Variants in ERICH6 observed in about 807,000 individuals in gnomAD.
The protein encoded by ERICH6 is glutamate-rich protein 6.
A neutral mutation model predicts 71.0 loss-of-function variants in ERICH6; 71 were observed. The observed-to-expected ratio is 1.00, with a 90% CI of 0.83 to 1.22. The LOEUF is 1.22. ERICH6 is among the 50% of genes most tolerant of loss of function. The pLI, the probability that ERICH6 is intolerant of heterozygous loss-of-function variation, is 0.00. For synonymous variants in ERICH6, 262 were observed against 278.4 expected, an observed-to-expected ratio of 0.94 and a Z score of 0.59; for missense variants, 808 against 797.2, an observed-to-expected ratio of 1.01 and a Z score of -0.16.
At chr3:150,677,212 G>C (rs1711694562) in intron 10 of ERICH6, among the ~76,000 whole-genome samples, 1 of 152,120 alleles carries the variant, frequency 6.6e-6, no homozygotes. Flanking sequence ...TGAGTAGCTG[G>C]GATTACAGGT....
intron 3 of ERICH6, among the ~76,000 whole-genome samples, chr3:150,688,453 A>G (rs1712286786): frequency 6.6e-6 from 1 of 152,172 alleles, no homozygotes; most frequent in African/African-American, 2.4e-5. Flanking sequence ...CCTGACATGG[A>G]GAGATGTCCG....
At chr3:150,681,148 C>G (rs1041686582) in intron 7 of ERICH6, among the ~76,000 whole-genome samples, 1 of 152,182 alleles carries the variant, frequency 6.6e-6, no homozygotes, top group Admixed American at 6.5e-5. Flanking sequence ...GTCATCATCA[C>G]AATCAATTTT....
At chr3:150,678,306 T>C (rs1576552389) in intron 10 of ERICH6, 103 bp downstream of exon 10, 1 of 1,099,730 alleles carries the variant, frequency 9.1e-7, no homozygotes, top group Non-Finnish European at 1.3e-6. Context: ...TTTTGACAAC[T>C]AGTTAAATGC....
At chr3:150,670,628 A>C (rs1007562221) in intron 11 of ERICH6, among the ~76,000 whole-genome samples, 1 of 152,218 alleles carries the variant, frequency 6.6e-6, no homozygotes, top group Admixed American at 6.5e-5. Flanking sequence ...TAAGGAATTC[A>C]TAAGATAATG....
In ERICH6 at chr3:150,673,302, C is replaced by T. The variant is rs151282429; in HGVS notation, c.1343+654G>A. 5.3e-3 allele frequency among the ~76,000 whole-genome samples: 804 copies of T among 151,220 alleles called. 12 individuals are homozygous for T. Among genetic ancestry groups the T allele is most frequent in the African/African-American group, 0.019 (771 of 41,178 alleles). On this transcript the variant is annotated intron_variant, in intron 11 of 13. Coordinates refer to ENST00000295910, the MANE Select transcript of ERICH6 (RefSeq NM_152394.5). Reference sequence around the variant, plus strand: ...CCTCGGGCTCAAGCAATCCTTTCACCTCAGCCTCCTGAGTAGCCAGGACTT... The same window carrying T: ...CCTCGGGCTCAAGCAATCCTTTCACTTCAGCCTCCTGAGTAGCCAGGACTT...
chr3:150,681,298 G>T (rs1261870411), intron 7 of ERICH6, among the ~76,000 whole-genome samples: 2 of 152,144 alleles, frequency 1.3e-5, no homozygotes. Context: ...ACAACATGTG[G>T]CACTCTTTAT....
intron 3 of ERICH6, among the ~76,000 whole-genome samples, chr3:150,688,923 G>A (rs914832578): frequency 2.6e-5 from 4 of 152,200 alleles, no homozygotes; most frequent in Non-Finnish European, 2.9e-5. Flanking sequence ...TCACAGGTGC[G>A]CATCCTCAAC....
rs1206409327 is a variant in ERICH6, at chr3:150,682,317, C to A, written c.784-1G>T. 1 of 1,610,596 alleles carries A rather than the reference C, an allele frequency of 6.2e-7. No homozygotes were observed. The highest frequency in any genetic ancestry group is 1.1e-5 in the South Asian group (1 of 90,878). ...TGGGTGATGTCTCCTCCTCTTCATC[C>A]TTCAGAGAGAGAGGAAAAAAATTAA... On this transcript the variant is annotated splice_acceptor_variant, in intron 6 of 13. Coordinates refer to ENST00000295910, the MANE Select transcript of ERICH6 (RefSeq NM_152394.5). LOFTEE classifies it high-confidence loss of function.
At position 150,681,139 on chromosome 3, in the gene ERICH6, T is replaced by A. The variant is rs150786124; in HGVS notation, c.883-209A>T. 2.5e-3 allele frequency among the ~76,000 whole-genome samples: 385 copies of A among 152,352 alleles called. 2 individuals carry two copies. The highest frequency in any genetic ancestry group is 8.8e-3 in the African/African-American group (367 of 41,568). On this transcript the variant is annotated intron_variant, in intron 7 of 13. Transcript: ENST00000295910. ...TTAGTATATTCACAGAGTTGTACAGTCATCATCACAATCAATTTTAGAATC... is the reference window on the plus strand; with the variant it reads ...TTAGTATATTCACAGAGTTGTACAGACATCATCACAATCAATTTTAGAATC...
rs139247574 is a variant in ERICH6 at position 150,670,533 on chromosome 3, A to G, written c.1344-1082T>C. 2.8e-3 allele frequency among the ~76,000 whole-genome samples: 428 copies of G among 152,124 alleles called. 2 individuals carry two copies. Among genetic ancestry groups the G allele is most frequent in the Admixed American group, 6.2e-3 (94 of 15,268 alleles). ...AGCCATGGAAGTTTAGGGAAAAAAAAAAGGAAATGAAAAGCATCCAGATTG... is the reference window on the plus strand; with the variant it reads ...AGCCATGGAAGTTTAGGGAAAAAAAGAAGGAAATGAAAAGCATCCAGATTG... On this transcript the variant is annotated intron_variant, in intron 11 of 13. Coordinates refer to ENST00000295910, the MANE Select transcript of ERICH6 (RefSeq NM_152394.5).
intron 1 of ERICH6, among the ~76,000 whole-genome samples, chr3:150,702,889 AGTGTGTGT>A (rs10663390): frequency 1.9e-4 from 21 of 113,448 alleles, no homozygotes; most frequent in Non-Finnish European, 3.1e-4. Flanking sequence ...AAATAATATG[AGTGTGTGT>A]GTGTGTGTGT....
intron 7 of ERICH6, among the ~76,000 whole-genome samples, chr3:150,681,175 C>T (rs1052869000): frequency 6.6e-6 from 1 of 152,302 alleles, no homozygotes; most frequent in African/African-American, 2.4e-5. Context: ...TGAAACCTGT[C>T]CTCACTAACA....
chr3:150,660,727 A>G (rs912683113), intron 13 of ERICH6, among the ~76,000 whole-genome samples: 2 of 152,224 alleles, frequency 1.3e-5, no homozygotes, highest in Non-Finnish European at 2.9e-5. Context: ...GCAGAAGCCT[A>G]AATGGATTTG....
chr3:150,695,056 C>T (rs1308586398), intron 3 of ERICH6, among the ~76,000 whole-genome samples: 3 of 152,214 alleles, frequency 2.0e-5, no homozygotes, highest in Non-Finnish European at 4.4e-5. Flanking sequence ...GCTGCATCCT[C>T]ATGACCTAAT....
chr3:150,666,699 G>T, intron 13 of ERICH6, 88 bp downstream of exon 13: 1 of 1,124,364 alleles, frequency 8.9e-7, no homozygotes, highest in South Asian at 1.6e-5. Flanking sequence ...ATGCACTAGT[G>T]TAATCTATCA....
Position 150,669,283 on chromosome 3 carries a change from C to G in ERICH6, c.1499+13G>C. The G allele has an allele frequency of 6.3e-7, 1 of 1,584,716 alleles. No homozygotes were observed. Among genetic ancestry groups the G allele is most frequent in the Non-Finnish European group, 8.6e-7 (1 of 1,168,434 alleles). On this transcript the variant is annotated intron_variant, in intron 12 of 13. Transcript: ENST00000295910. ...AGCCACAAAATGGCAGCAGCAGGAA[C>G]CTAGAAGCTTACCAGACATTTCCAT...
rs142979002 is a variant in ERICH6 at position 150,682,243 on chromosome 3, T to A, written c.857A>T (p.Asp286Val). ...SDLRAFFSNV[D>V]VSSEPKGHAS... The stretch of plus-strand genomic sequence containing the variant: ...ATGCCCTTTTGGTTCAGAGGAAACA[T>A]CCACATTAGAAAAAAATGCTCTTAG... The change falls in exon 7 of 14, where the codon GAT (aspartate) becomes GTT (valine). Residue 286 changes from aspartate (D) to valine (V), a missense_variant. Asp to Val is a radical substitution (Grantham distance 152). Around this residue, in one of 3 missense-constraint regions of ERICH6, gnomAD observed 736 missense variants for 712.2 expected, o/e 1.03. Coordinates refer to ENST00000295910, the MANE Select transcript of ERICH6 (RefSeq NM_152394.5). 6.8e-6 allele frequency: 11 copies of A among 1,613,928 alleles called. No homozygotes were observed. The highest frequency in any genetic ancestry group is 9.3e-6 in the Non-Finnish European group (11 of 1,179,984).
chr3:150,679,035 CAAAAAAAA>C (rs1160094551), intron 9 of ERICH6, among the ~76,000 whole-genome samples: 2 of 65,224 alleles, frequency 3.1e-5, no homozygotes, highest in African/African-American at 1.2e-4. Flanking sequence ...GACTCTGTCT[CAAAAAAAA>C]AAAAAAAAAA....
intron 13 of ERICH6, among the ~76,000 whole-genome samples, chr3:150,663,621 T>C (rs966564390): frequency 2.0e-5 from 3 of 152,056 alleles, no homozygotes; most frequent in African/African-American, 7.2e-5. Flanking sequence ...ACCACAGGCA[T>C]GCGCCACCAT....
Sources: allele counts gnomAD v4.1 joint callset (sites outside exome capture counted in the v4.1 genomes callset), GRCh38; gene constraint gnomAD v4.1.1; regional missense constraint gnomAD v4.1.1; transcripts MANE v1.5; gene names NCBI Gene and HGNC (gene_info 2026-07-23, HGNC 2026-07-21).